The following SEMA3E variants were observed in gnomAD, a reference collection of about 807,000 sequenced individuals.
SEMA3E encodes the protein semaphorin 3E.
A neutral mutation model predicts 93.6 loss-of-function variants in SEMA3E; 49 were observed. That is an observed-to-expected ratio of 0.52 (90% CI 0.42 to 0.66). The LOEUF (loss-of-function observed/expected upper bound fraction) is 0.66, where lower values mean the gene tolerates loss of function less well. Among genes scored for constraint, SEMA3E ranks in the 30% least tolerant of loss-of-function variants. The probability of loss-of-function intolerance (pLI) is 0.00; values close to 1 mark genes in which losing one functional copy is unlikely to be tolerated. For synonymous variants in SEMA3E, 363 were observed against 330.7 expected, an observed-to-expected ratio of 1.10 and a Z score of -1.06; for missense variants, 906 against 964.8, an observed-to-expected ratio of 0.94 and a Z score of 0.81.
intron 1 of SEMA3E, among the ~76,000 whole-genome samples, chr7:83,572,245 A>G (rs1792301884): frequency 6.6e-6 from 1 of 152,098 alleles, no homozygotes; most frequent in Admixed American, 6.5e-5. Context: ...ATATTGAACC[A>G]AAAAAAGTGT....
intron 4 of SEMA3E, among the ~76,000 whole-genome samples, chr7:83,459,179 G>C (rs1789558283): frequency 6.6e-6 from 1 of 151,670 alleles, no homozygotes; most frequent in Non-Finnish European, 1.5e-5. Flanking sequence ...GAAAACCAAT[G>C]ATAAAGACAA....
intron 4 of SEMA3E, 56 bp downstream of exon 4, chr7:83,466,426 G>A: frequency 1.3e-6 from 2 of 1,596,940 alleles, no homozygotes; most frequent in Non-Finnish European, 1.7e-6. Flanking sequence ...CTTTCTTTGA[G>A]AACAAGGTTG....
At chr7:83,403,165 T>C (rs1231709480) in intron 9 of SEMA3E, among the ~76,000 whole-genome samples, 1 of 152,014 alleles carries the variant, frequency 6.6e-6, no homozygotes, top group African/African-American at 2.4e-5. Context: ...ATTTTCAAAG[T>C]AGACAGTGTC....
chr7:83,543,517 T>C (rs1333043788), intron 1 of SEMA3E, among the ~76,000 whole-genome samples: 1 of 152,104 alleles, frequency 6.6e-6, no homozygotes, highest in Non-Finnish European at 1.5e-5. Context: ...CTAATGTCAT[T>C]CTCTTAACAA....
intron 1 of SEMA3E, among the ~76,000 whole-genome samples, chr7:83,532,112 C>A (rs2115729746): frequency 6.6e-6 from 1 of 152,132 alleles, no homozygotes; most frequent in South Asian, 2.1e-4. Flanking sequence ...AAATTTAAGA[C>A]AACATTAAAA....
chr7:83,438,755 G>A (rs1015728482), intron 4 of SEMA3E, among the ~76,000 whole-genome samples: 1 of 151,686 alleles, frequency 6.6e-6, no homozygotes, highest in Non-Finnish European at 1.5e-5. Context: ...AATAAAAGTA[G>A]GCATTTATAT....
chr7:83,386,417 C>A (rs191480887), intron 15 of SEMA3E, among the ~76,000 whole-genome samples: 2 of 152,210 alleles, frequency 1.3e-5, no homozygotes, highest in East Asian at 3.9e-4. Context: ...CAGAGAAGTT[C>A]TTTCTTATAT....
chr7:83,506,032 A>AT (rs1328621838), intron 1 of SEMA3E, among the ~76,000 whole-genome samples: 1,303 of 119,540 alleles, frequency 0.011, 22 homozygotes, highest in African/African-American at 0.04. Context: ...AAAAAAAAAA[A>AT]ATATATATAT....
At position 83,494,247 on chromosome 7, in the gene SEMA3E, C is replaced by G. The variant is rs558157432; in HGVS notation, c.116-3973G>C. Among the ~76,000 whole-genome samples the G allele has an allele frequency of 7.3e-5, 11 of 151,278 alleles. No homozygotes were observed. The East Asian group carries it at 1.9e-3, about 27-fold the overall frequency. ...AAATGAATCCCAAATTTGACCTCAG[C>G]CTTCCCAAAATCCAAAGTAGAGGAA... On this transcript the variant is annotated intron_variant, in intron 1 of 16. Transcript: ENST00000643230.
intron 2 of SEMA3E, among the ~76,000 whole-genome samples, chr7:83,470,093 A>G (rs1789861081): frequency 6.6e-6 from 1 of 152,082 alleles, no homozygotes; most frequent in Non-Finnish European, 1.5e-5. Context: ...CCAGTTTCCA[A>G]CTGGGTATCC....
chr7:83,400,560 AGGCCCCTACATCT>A (rs1788218277), intron 10 of SEMA3E, among the ~76,000 whole-genome samples: 1 of 152,030 alleles, frequency 6.6e-6, no homozygotes, highest in Non-Finnish European at 1.5e-5. Context: ...GACTTCAAGC[AGGCCCCTACATCT>A]GTTATTCCCC....
At chr7:83,471,891 A>T (rs1318433755) in intron 2 of SEMA3E, among the ~76,000 whole-genome samples, 1 of 152,196 alleles carries the variant, frequency 6.6e-6, no homozygotes, top group Non-Finnish European at 1.5e-5. Flanking sequence ...AAGTGAAATA[A>T]ACCAATCATC....
chr7:83,404,289 G>A (rs1285333794), intron 9 of SEMA3E, among the ~76,000 whole-genome samples: 2 of 151,892 alleles, frequency 1.3e-5, no homozygotes, highest in Admixed American at 1.3e-4. Context: ...CTTGTCTAAA[G>A]AGATGTATTA....
At chr7:83,384,677 C>T (rs1268336080) in intron 16 of SEMA3E, among the ~76,000 whole-genome samples, 1 of 152,034 alleles carries the variant, frequency 6.6e-6, no homozygotes, top group Non-Finnish European at 1.5e-5. Flanking sequence ...CTATTCTACA[C>T]ATGTGCTTTA....
chr7:83,500,654 A>G lies in SEMA3E; in HGVS notation c.116-10380T>C, dbSNP rs1421632842. On this transcript the variant is annotated intron_variant, in intron 1 of 16. Transcript: ENST00000643230. Reference sequence around the variant, plus strand: ...GTTGCCCAGACTGGAGTGCAATGGCATGATCTCGGCTCACTGCAACCTCCG... The same window carrying G: ...GTTGCCCAGACTGGAGTGCAATGGCGTGATCTCGGCTCACTGCAACCTCCG... Among the ~76,000 whole-genome samples, 33 of 131,754 alleles carry G rather than the reference A, an allele frequency of 2.5e-4. No individual in the cohort carries two copies. In the Admixed American group the frequency reaches 2.9e-3, roughly 11 times the overall value. The allele number at this position is 131,754 out of a possible 152,430, so 86.4% of individuals were successfully genotyped here. A position where few individuals can be genotyped will look rare whatever the true frequency, so the allele number is the denominator to read the frequency against.
intron 16 of SEMA3E, among the ~76,000 whole-genome samples, chr7:83,378,140 A>G (rs78494071): frequency 0.013 from 1,885 of 150,090 alleles, 43 homozygotes; most frequent in African/African-American, 0.042. Flanking sequence ...GATTAAAACT[A>G]TATGTGGAAA....
chr7:83,628,427 A>T (rs984458473), intron 1 of SEMA3E, among the ~76,000 whole-genome samples: 1 of 152,128 alleles, frequency 6.6e-6, no homozygotes, highest in South Asian at 2.1e-4. Flanking sequence ...AGGTACACCA[A>T]TGAAACATAG....
chr7:83,520,146 A>G (rs1234805393), intron 1 of SEMA3E, among the ~76,000 whole-genome samples: 1 of 152,200 alleles, frequency 6.6e-6, no homozygotes, highest in Non-Finnish European at 1.5e-5. Context: ...TGTAAACTTT[A>G]AAACGATTCT....
At chr7:83,570,492 G>A (rs1162441227) in intron 1 of SEMA3E, among the ~76,000 whole-genome samples, 28 of 125,962 alleles carry the variant, frequency 2.2e-4, no homozygotes, top group Admixed American at 2.1e-3. Context: ...GGCGGAGCTT[G>A]CAGTGAGCCG....
Sources: gnomAD v4.1 joint callset for allele counts (sites outside exome capture counted in the v4.1 genomes callset) on GRCh38, gnomAD v4.1.1 for gene constraint, MANE v1.5 for transcripts, NCBI Gene and HGNC (gene_info 2026-07-23, HGNC 2026-07-21) for gene names.